Variants in PIGU observed in about 807,000 individuals in gnomAD.
PIGU encodes the protein phosphatidylinositol glycan anchor biosynthesis class U, also known as GPI-anchor transamidase component PIGU.
Under a neutral mutation model 49.9 loss-of-function variants are expected in PIGU, and 24 were observed. The ratio of observed to expected loss-of-function variants is 0.48; its 90% CI spans 0.35 to 0.68. The LOEUF (loss-of-function observed/expected upper bound fraction) is 0.68, where lower values mean the gene tolerates loss of function less well. PIGU is among the 30% of genes least tolerant of loss of function. The probability of loss-of-function intolerance (pLI) is 0.01; values close to 1 mark genes in which losing one functional copy is unlikely to be tolerated. For missense variants in PIGU, 490 were observed against 532.6 expected (o/e 0.92, Z 0.79); for synonymous variants, 220 against 205.7 (o/e 1.07, Z -0.59).
At chr20:34,574,436 A>C (rs1420869519) in intron 11 of PIGU, among the ~76,000 whole-genome samples, 4 of 152,174 alleles carry the variant, frequency 2.6e-5, no homozygotes, top group Non-Finnish European at 4.4e-5. Flanking sequence ...GCTCCCTCTG[A>C]GGATTTTGAT....
intron 7 of PIGU, among the ~76,000 whole-genome samples, chr20:34,592,815 G>A (rs567538540): frequency 2.6e-5 from 4 of 152,144 alleles, no homozygotes; most frequent in African/African-American, 9.6e-5. Flanking sequence ...TATAAAGAAT[G>A]CCTAGTTCTT....
chr20:34,625,223 T>C (rs564038834), intron 6 of PIGU, among the ~76,000 whole-genome samples: 1 of 151,444 alleles, frequency 6.6e-6, no homozygotes, highest in East Asian at 2.0e-4. Flanking sequence ...AATGCAAAAT[T>C]CGGATGTGGT....
chr20:34,567,050 T>G (rs1357008738), intron 11 of PIGU, among the ~76,000 whole-genome samples: 1 of 152,238 alleles, frequency 6.6e-6, no homozygotes, highest in African/African-American at 2.4e-5. Flanking sequence ...CCCAGGCATG[T>G]CCTGGTTCCC....
chr20:34,620,704 G>C (rs905194406), intron 6 of PIGU, among the ~76,000 whole-genome samples: 2 of 151,554 alleles, frequency 1.3e-5, no homozygotes, highest in Admixed American at 6.6e-5. Context: ...CCAGCTACTC[G>C]GGAGGCTGAG....
chr20:34,581,454 G>A lies in PIGU; in HGVS notation c.1051+94C>T, dbSNP rs950735949. ...CCTCCTAGTGCTGCCAGCATAACAG[G>A]TGCCTGGTAAATGCCTATGAATTCC... On this transcript the variant is annotated intron_variant, in intron 10 of 11. Coordinates refer to ENST00000217446, the MANE Select transcript of PIGU (RefSeq NM_080476.5). 2.2e-5 allele frequency: 33 copies of A among 1,488,130 alleles called. 1 individual carries two copies. The highest frequency in any genetic ancestry group is 1.2e-4 in the Admixed American group (6 of 50,740). 92.2% of individuals were successfully genotyped at this position (1,488,130 alleles called of 1,614,324 possible).
intron 11 of PIGU, among the ~76,000 whole-genome samples, chr20:34,571,392 A>T (rs765768723): frequency 4.6e-5 from 7 of 152,164 alleles, no homozygotes; most frequent in Non-Finnish European, 8.8e-5. Context: ...TGAACAACTC[A>T]AACAGAGCAG....
rs1473532288 is a variant in PIGU, at chr20:34,616,083, G to A, written c.586C>T (p.Pro196Ser). The A allele has an allele frequency of 1.9e-6, 3 of 1,612,610 alleles. No homozygotes were observed. The African/African-American group carries it at 4.0e-5, about 22-fold the overall frequency. The change falls in exon 7 of 12, where the codon CCA becomes TCA. Residue 196 changes from proline to serine, a missense_variant. By Grantham distance (74) the Pro-to-Ser change is moderately conservative (BLOSUM62 -1). Coordinates refer to ENST00000217446, the MANE Select transcript of PIGU (RefSeq NM_080476.5). ...LALATYQSLY[P>S]LTLFVPGLLY... ...AGTCCTGGGACAAACAAGGTGAGTG[G>A]GTACAGAGACTGGTATGTCGCTAAG...
chr20:34,645,738 T>C (rs1223826371), intron 2 of PIGU, among the ~76,000 whole-genome samples: 1 of 151,568 alleles, frequency 6.6e-6, no homozygotes, highest in African/African-American at 2.4e-5. Flanking sequence ...CTACTAAAAA[T>C]ACAAAAAAAT....
chr20:34,581,803 C>T, intron 9 of PIGU, 131 bp from the exon 10 acceptor site: 1 of 1,229,090 alleles, frequency 8.1e-7, no homozygotes, highest in East Asian at 2.6e-5. Flanking sequence ...CTCTGCTATC[C>T]ACAAGGCATG....
intron 7 of PIGU, among the ~76,000 whole-genome samples, chr20:34,605,944 T>C (rs1984594963): frequency 6.6e-6 from 1 of 152,098 alleles, no homozygotes; most frequent in South Asian, 2.1e-4. Context: ...ACCATAATAC[T>C]ATCATCACAT....
intron 6 of PIGU, among the ~76,000 whole-genome samples, chr20:34,632,172 C>T (rs979921545): frequency 6.6e-6 from 1 of 151,548 alleles, no homozygotes; most frequent in Non-Finnish European, 1.5e-5. Flanking sequence ...GAAAAAAAAA[C>T]TGGGTTATAT....
rs1308522741 is a variant in PIGU at position 34,656,812 on chromosome 20, G to C, written c.195+368C>G. 3.3e-5 allele frequency among the ~76,000 whole-genome samples: 5 copies of C among 151,812 alleles called. No homozygotes were observed. In the East Asian group the frequency reaches 9.7e-4, roughly 29 times the overall value. ...TTATGGGTTAAGTAAGTTTTTCTGG[G>C]CTTTCTAAGGAAACAACATTACTGC... On this transcript the variant is annotated intron_variant, in intron 2 of 11. Transcript: ENST00000217446.
chr20:34,657,329 C>A, intron 1 of PIGU, 85 bp from the exon 2 acceptor site: 1 of 979,842 alleles, frequency 1.0e-6, no homozygotes, highest in South Asian at 1.4e-5. Context: ...CCAAAAAGGG[C>A]CTTAGCGTTT....
chr20:34,581,549 T>A lies in PIGU; in HGVS notation c.1050A>T (p.Arg350Ser), dbSNP rs1369639761. 3 of 1,611,726 alleles carry A rather than the reference T, an allele frequency of 1.9e-6. No homozygotes were observed. Among genetic ancestry groups the A allele is most frequent in the Non-Finnish European group, 2.5e-6 (3 of 1,179,128 alleles). The change falls in exon 10 of 12, where the codon AGA becomes AGT. Residue 350 changes from arginine (R) to serine (S), a missense_variant and splice_region_variant. Coordinates refer to ENST00000217446, the MANE Select transcript of PIGU (RefSeq NM_080476.5). ...TGTGGCAGAGGCGGGAGTACTCACA[T>A]CTGTAGAGATGGTTCCACACGGGGA... ...AFFPVWNHLY[R>S]FLRNIFVLTC...
chr20:34,627,889 A>G (rs1351428644), intron 6 of PIGU, among the ~76,000 whole-genome samples: 1 of 152,200 alleles, frequency 6.6e-6, no homozygotes, highest in Non-Finnish European at 1.5e-5. Context: ...GACCACCACG[A>G]TCTTCAGAAC....
chr20:34,578,928 C>T (rs868795958), intron 10 of PIGU: 1 of 152,116 alleles, frequency 6.6e-6, no homozygotes, highest in African/African-American at 2.4e-5. Flanking sequence ...CACTGGGTGG[C>T]TTATCCAATC....
intron 1 of PIGU, 53 bp downstream of exon 1, chr20:34,676,903 G>A: frequency 1.9e-6 from 3 of 1,551,844 alleles, no homozygotes; most frequent in East Asian, 2.4e-5. Context: ...CATTCACAGA[G>A]GCCGCGGGAG....
intron 2 of PIGU, among the ~76,000 whole-genome samples, chr20:34,645,630 T>C (rs1181337296): frequency 2.0e-5 from 3 of 152,178 alleles, no homozygotes; most frequent in Non-Finnish European, 4.4e-5. Flanking sequence ...GTGCGGTGGC[T>C]CACGCCTGTA....
At chr20:34,668,284 GA>G (rs745819477) in intron 1 of PIGU, among the ~76,000 whole-genome samples, 6 of 151,814 alleles carry the variant, frequency 4.0e-5, no homozygotes, top group Non-Finnish European at 8.8e-5. Flanking sequence ...CCAGCATGGT[GA>G]AACCCCGTAT....
Sources: gnomAD v4.1 joint callset for allele counts (sites outside exome capture counted in the v4.1 genomes callset) on GRCh38, gnomAD v4.1.1 for gene constraint, MANE v1.5 for transcripts, NCBI Gene and HGNC (gene_info 2026-07-23, HGNC 2026-07-21) for gene names.